Variants in PCDHGA5 observed in about 807,000 individuals in gnomAD.
PCDHGA5 encodes the protein protocadherin gamma-A5.
PCDHGA5 carries 36 observed loss-of-function variants against 56.7 expected under a neutral mutation model. That is an observed-to-expected ratio of 0.64 (90% CI 0.49 to 0.84). PCDHGA5 has a LOEUF of 0.84. Among genes scored for constraint, PCDHGA5 ranks in the 40% least tolerant of loss-of-function variants. PCDHGA5 has a pLI of 0.00. For synonymous variants in PCDHGA5, 563 were observed against 520.2 expected (o/e 1.08, Z -1.12); for missense variants, 1,305 against 1,201.5 (o/e 1.09, Z -1.27).
In PCDHGA5 at chr5:141,490,795, C is replaced by A; in HGVS notation, c.2422-4012C>A. The A allele has an allele frequency of 1.3e-5, 21 of 1,614,036 alleles. No homozygotes were observed. Among genetic ancestry groups the A allele is most frequent in the Non-Finnish European group, 1.8e-5 (21 of 1,179,922 alleles). On this transcript the variant is annotated intron_variant, in intron 1 of 3. Coordinates refer to ENST00000518069, the MANE Select transcript of PCDHGA5 (RefSeq NM_018918.3). This position sits in a 1 kb window ranked among gnomAD's most constrained non-coding sequence, Gnocchi z 5.4. ...CCCAGAGGATGGACGGATCTTTGCC[C>A]AGCGTACCTTTGACTATGAATTGCT...
rs1236074950 is a variant in PCDHGA5 at position 141,489,119 on chromosome 5, C to G, written c.2422-5688C>G. On this transcript the variant is annotated intron_variant, in intron 1 of 3. Transcript: ENST00000518069. This position sits in a 1 kb window ranked among gnomAD's most constrained non-coding sequence, Gnocchi z 4.5. ...GAACTGCTGCAAGCAGGCAAACCTC[C>G]GAGCAGTTTTTAAGAGGCTGGAAGG... The G allele has an allele frequency of 1.5e-6, 1 of 650,358 alleles. No individual in the cohort carries two copies. Among genetic ancestry groups the G allele is most frequent in the Non-Finnish European group, 2.5e-6 (1 of 400,690 alleles). The allele number at this position is 650,358 out of a possible 1,614,324, so 40.3% of individuals were successfully genotyped here. A position where few individuals can be genotyped will look rare whatever the true frequency, so the allele number is the denominator to read the frequency against.
chr5:141,456,301 C>CA (rs761557752), intron 1 of PCDHGA5, among the ~76,000 whole-genome samples: 14 of 152,154 alleles, frequency 9.2e-5, no homozygotes, highest in Non-Finnish European at 1.6e-4. Flanking sequence ...TAATGGAGAA[C>CA]AGCAGCTAGG....
intron 1 of PCDHGA5, chr5:141,373,923 A>ACGGGAAAG: frequency 1.5e-6 from 1 of 658,156 alleles, no homozygotes; most frequent in African/African-American, 1.9e-5. Flanking sequence ...AGCAAATTAG[A>ACGGGAAAG]CGGGAAAGCA....
At chr5:141,497,827 C>T (rs1390986916) in intron 2 of PCDHGA5, among the ~76,000 whole-genome samples, 3 of 152,188 alleles carry the variant, frequency 2.0e-5, no homozygotes, top group East Asian at 3.9e-4. Flanking sequence ...GGTGTGATCG[C>T]CCCCGGCCAC....
At chr5:141,375,523 C>T (rs571977774) in intron 1 of PCDHGA5, 2 of 1,614,032 alleles carry the variant, frequency 1.2e-6, no homozygotes, top group Non-Finnish European at 1.7e-6. Flanking sequence ...TGGACCCTGA[C>T]GTGGACCAGA....
rs1329435709 is a variant in PCDHGA5 at position 141,485,726 on chromosome 5, C to T, written c.2422-9081C>T. ...ACACTTTGCACTGGATGTGAAGAAGCGCAGCGACGGCAGCCTGGTCCCAGA... is the reference window on the plus strand; with the variant it reads ...ACACTTTGCACTGGATGTGAAGAAGTGCAGCGACGGCAGCCTGGTCCCAGA... On this transcript the variant is annotated intron_variant, in intron 1 of 3. Coordinates refer to ENST00000518069, the MANE Select transcript of PCDHGA5 (RefSeq NM_018918.3). This position sits in a 1 kb window ranked among gnomAD's most constrained non-coding sequence, Gnocchi z 5.7. 2 of 1,614,138 alleles carry T rather than the reference C, an allele frequency of 1.2e-6. No homozygotes were observed. The highest frequency in any genetic ancestry group is 8.5e-7 in the Non-Finnish European group (1 of 1,180,024).
intron 1 of PCDHGA5, chr5:141,414,994 T>C (rs1390374290): frequency 3.7e-6 from 6 of 1,613,626 alleles, no homozygotes; most frequent in Non-Finnish European, 4.2e-6. Flanking sequence ...CCAGAACGCC[T>C]GGCTGTCCTA....
intron 1 of PCDHGA5, among the ~76,000 whole-genome samples, chr5:141,425,691 T>C (rs1411905655): frequency 6.6e-6 from 1 of 152,238 alleles, no homozygotes. Context: ...TGCATATCAT[T>C]TCATAGTGGT....
chr5:141,415,496 T>C, intron 1 of PCDHGA5: 1 of 1,614,070 alleles, frequency 6.2e-7, no homozygotes. Flanking sequence ...CACCTGATCT[T>C]CCCCCAGCCC....
At chr5:141,382,872 G>T in intron 1 of PCDHGA5, 1 of 1,522,356 alleles carries the variant, frequency 6.6e-7, no homozygotes, top group Non-Finnish European at 8.8e-7. Flanking sequence ...CCCGAGATCG[G>T]CGCCTAAGCA....
chr5:141,431,416 C>G lies in PCDHGA5; in HGVS notation c.2422-63391C>G, dbSNP rs778722151. 3 of 1,613,596 alleles carry G rather than the reference C, an allele frequency of 1.9e-6. No homozygotes were observed. The highest frequency in any genetic ancestry group is 2.7e-5 in the African/African-American group (2 of 74,954). On this transcript the variant is annotated intron_variant, in intron 1 of 3. Coordinates refer to ENST00000518069, the MANE Select transcript of PCDHGA5 (RefSeq NM_018918.3). The surrounding 1 kb of genome is among the most constrained non-coding windows in gnomAD (Gnocchi z 4.8). ...TCCTTACGGCCTCCGACGGGGGCGA[C>G]CCGGTGCGCACAGGCACCGCGCGCA...
intron 1 of PCDHGA5, among the ~76,000 whole-genome samples, chr5:141,446,153 AT>A (rs1158236808): frequency 1.3e-5 from 2 of 152,362 alleles, no homozygotes; most frequent in East Asian, 3.9e-4. Flanking sequence ...TAGGTGGAAT[AT>A]AAATTTCATG....
intron 1 of PCDHGA5, chr5:141,420,166 A>G: frequency 1.2e-6 from 2 of 1,614,036 alleles, no homozygotes; most frequent in Non-Finnish European, 1.7e-6. Flanking sequence ...ATTTTTTCAC[A>G]TCTGTTGATC....
rs1440466121 is a variant in PCDHGA5, at chr5:141,365,818, T to A, written c.1488T>A (p.Phe496Leu). 6.2e-7 allele frequency: 1 copy of A among 1,613,894 alleles called. No individual in the cohort carries two copies. Residue 496 changes from phenylalanine (F) to leucine (L), a missense_variant, in exon 1 of 4, where the codon TTT (phenylalanine) becomes TTA (leucine). Physicochemically the swap from Phe to Leu is conservative, Grantham distance 22. Transcript: ENST00000518069. ...CCTACTCCCTGGCTGAAGACACATT[T>A]CAGGGGGCGCCCTTGTCCTCCTATG... ...RVTYSLAEDT[F>L]QGAPLSSYVS... is the part of the protein sequence containing the mutation.
chr5:141,500,444 C>T (rs1032064705), intron 2 of PCDHGA5, among the ~76,000 whole-genome samples: 3 of 151,370 alleles, frequency 2.0e-5, no homozygotes, highest in African/African-American at 4.9e-5. Context: ...CTCCTGACCT[C>T]GTGATCCGCC....
chr5:141,389,718 C>G, intron 1 of PCDHGA5: 5 of 1,612,622 alleles, frequency 3.1e-6, no homozygotes, highest in Non-Finnish European at 4.2e-6. Flanking sequence ...GGCTAGCGAG[C>G]CCGGGCTCTT....
intron 1 of PCDHGA5, among the ~76,000 whole-genome samples, chr5:141,407,680 C>A (rs2094967585): frequency 6.6e-6 from 1 of 151,942 alleles, no homozygotes; most frequent in Non-Finnish European, 1.5e-5. Flanking sequence ...CAAAGATTGG[C>A]TTTGTGGTGA....
intron 3 of PCDHGA5, among the ~76,000 whole-genome samples, chr5:141,506,454 A>G (rs2099853946): frequency 6.6e-6 from 1 of 151,844 alleles, no homozygotes; most frequent in African/African-American, 2.4e-5. Context: ...CAAAAAAAAA[A>G]AAAAAAAAAA....
chr5:141,447,558 G>T (rs551305232), intron 1 of PCDHGA5, among the ~76,000 whole-genome samples: 1 of 152,264 alleles, frequency 6.6e-6, no homozygotes, highest in African/African-American at 2.4e-5. Context: ...GAGTACACTT[G>T]GAGGATTCTA....
Sources: allele counts gnomAD v4.1 joint callset (sites outside exome capture counted in the v4.1 genomes callset), GRCh38; gene constraint gnomAD v4.1.1; non-coding constraint Gnocchi (gnomAD v3.1); transcripts MANE v1.5; gene names NCBI Gene and HGNC (gene_info 2026-07-23, HGNC 2026-07-21).